DTNB: variants seen among roughly 807,000 people sequenced by gnomAD.
The protein encoded by DTNB is dystrobrevin beta.
Under a neutral mutation model 90.7 loss-of-function variants are expected in DTNB, and 63 were observed. The observed-to-expected ratio is 0.69, with a 90% confidence interval of 0.57 to 0.86. The LOEUF is 0.86. Ranked by LOEUF, DTNB falls within the 40% of genes least tolerant of loss-of-function variation. The probability of loss-of-function intolerance (pLI) is 0.00; values close to 1 mark genes in which losing one functional copy is unlikely to be tolerated. For synonymous variants in DTNB, 277 were observed against 286.7 expected (o/e 0.97, Z 0.34); for missense variants, 744 against 807.1 (o/e 0.92, Z 0.95).
At chr2:25,436,998 G>C (rs919699354) in intron 12 of DTNB, among the ~76,000 whole-genome samples, 1 of 152,118 alleles carries the variant, frequency 6.6e-6, no homozygotes, top group Non-Finnish European at 1.5e-5. Flanking sequence ...CCACAGAGGA[G>C]GTTAATATAG....
chr2:25,620,815 A>G (rs2072359604), intron 4 of DTNB, among the ~76,000 whole-genome samples: 2 of 152,160 alleles, frequency 1.3e-5, no homozygotes, highest in African/African-American at 4.8e-5. Flanking sequence ...AAAAATAAAA[A>G]ATAAAATAAA....
chr2:25,383,978 G>A (rs2038698062), intron 18 of DTNB, 89 bp from the exon 19 acceptor site: 3 of 1,603,420 alleles, frequency 1.9e-6, no homozygotes, highest in African/African-American at 2.7e-5. Context: ...TGAGGCTTGG[G>A]AGGAAACTCT....
At chr2:25,558,725 T>A (rs965410248) in intron 8 of DTNB, among the ~76,000 whole-genome samples, 1 of 152,200 alleles carries the variant, frequency 6.6e-6, no homozygotes, top group South Asian at 2.1e-4. Context: ...AAATCGTGCA[T>A]GCAAACAACA....
chr2:25,391,851 A>T (rs577251614), intron 16 of DTNB, among the ~76,000 whole-genome samples: 3 of 152,328 alleles, frequency 2.0e-5, no homozygotes, highest in Admixed American at 2.0e-4. Flanking sequence ...TCAAGATGGA[A>T]ATTTAAAAAT....
intron 8 of DTNB, among the ~76,000 whole-genome samples, chr2:25,554,326 G>A (rs887824540): frequency 6.6e-6 from 1 of 151,986 alleles, no homozygotes; most frequent in Non-Finnish European, 1.5e-5. Context: ...TAATATCATG[G>A]ACAGAATTTA....
chr2:25,427,320 AT>A, intron 15 of DTNB: 1 of 510,252 alleles, frequency 2.0e-6, no homozygotes, highest in Non-Finnish European at 3.5e-6. Context: ...TGCTCGAGAC[AT>A]TATCCTATTT....
chr2:25,619,909 A>G (rs191731974), intron 4 of DTNB, among the ~76,000 whole-genome samples: 83 of 152,116 alleles, frequency 5.5e-4, no homozygotes, highest in Middle Eastern at 6.8e-3. Flanking sequence ...GCGTGGTGGT[A>G]CACACCTGTA....
chr2:25,628,841 A>G (rs1234668016), intron 3 of DTNB, among the ~76,000 whole-genome samples: 1 of 152,244 alleles, frequency 6.6e-6, no homozygotes, highest in Non-Finnish European at 1.5e-5. Flanking sequence ...AACTGCATTA[A>G]GTAAAATATT....
Position 25,536,223 on chromosome 2 carries a change from G to C in DTNB, c.877-4626C>G, listed in dbSNP as rs555010439. 3.3e-5 allele frequency among the ~76,000 whole-genome samples: 5 copies of C among 151,908 alleles called. No homozygotes were observed. In the East Asian group the frequency reaches 9.8e-4, roughly 30 times the overall value. On this transcript the variant is annotated intron_variant, in intron 8 of 20. Transcript: ENST00000406818. ...GAGGCACTCCTCACCTCCCAGACGG[G>C]GCGGCCGGGCAGAGGGGCTCCTCAC...
intron 8 of DTNB, among the ~76,000 whole-genome samples, chr2:25,565,607 A>C (rs2058907759): frequency 7.6e-6 from 1 of 131,914 alleles, no homozygotes; most frequent in Admixed American, 7.2e-5. Flanking sequence ...TTCCCAGTTT[A>C]TTGCATTTTT....
At chr2:25,640,955 A>C (rs1320653787) in intron 2 of DTNB, among the ~76,000 whole-genome samples, 1 of 152,134 alleles carries the variant, frequency 6.6e-6, no homozygotes, top group East Asian at 1.9e-4. Context: ...GCAGTGAGCC[A>C]AGATTTGGGT....
At chr2:25,642,663 T>C (rs764332101) in intron 2 of DTNB, among the ~76,000 whole-genome samples, 1 of 152,072 alleles carries the variant, frequency 6.6e-6, no homozygotes, top group Non-Finnish European at 1.5e-5. Context: ...TTGCCTCCCT[T>C]GCCCTTCCAA....
chr2:25,394,807 A>G (rs2041999143), intron 16 of DTNB, among the ~76,000 whole-genome samples: 2 of 152,350 alleles, frequency 1.3e-5, no homozygotes, highest in South Asian at 2.1e-4. Flanking sequence ...TACAACTACT[A>G]TGAAAAACAG....
chr2:25,664,915 A>T (rs187158563), intron 1 of DTNB, among the ~76,000 whole-genome samples: 1 of 152,226 alleles, frequency 6.6e-6, no homozygotes, highest in Admixed American at 6.5e-5. Flanking sequence ...CTCAAGGAAT[A>T]AGGAAAGAAC....
At chr2:25,661,322 G>A (rs921255481) in intron 1 of DTNB, among the ~76,000 whole-genome samples, 2 of 152,194 alleles carry the variant, frequency 1.3e-5, no homozygotes, top group Non-Finnish European at 2.9e-5. Context: ...TCCACGATAT[G>A]CACAGAATTT....
chr2:25,591,115 G>A (rs2063485163), intron 6 of DTNB, among the ~76,000 whole-genome samples: 1 of 152,242 alleles, frequency 6.6e-6, no homozygotes, highest in Non-Finnish European at 1.5e-5. Context: ...CACTGGAGCA[G>A]GTGTTGGGAG....
chr2:25,505,883 T>G (rs2072281180), intron 9 of DTNB, among the ~76,000 whole-genome samples: 1 of 152,236 alleles, frequency 6.6e-6, no homozygotes, highest in South Asian at 2.1e-4. Context: ...ACATCATCTT[T>G]ACTTCTATAT....
intron 1 of DTNB, among the ~76,000 whole-genome samples, chr2:25,653,436 A>ATTTT (rs2081364777): frequency 6.7e-6 from 1 of 149,776 alleles, no homozygotes; most frequent in African/African-American, 2.4e-5. Flanking sequence ...TTTTTTTAAA[A>ATTTT]AAAAAAAAAA....
chr2:25,498,081 C>T (rs2069418095), intron 9 of DTNB, among the ~76,000 whole-genome samples: 1 of 152,166 alleles, frequency 6.6e-6, no homozygotes, highest in African/African-American at 2.4e-5. Context: ...CCAGGGCCTC[C>T]TCATTGTCAC....
Sources: allele counts gnomAD v4.1 joint callset (sites outside exome capture counted in the v4.1 genomes callset), GRCh38; gene constraint gnomAD v4.1.1; transcripts MANE v1.5; gene names NCBI Gene and HGNC (gene_info 2026-07-23, HGNC 2026-07-21).